The following CTIF variants were observed in gnomAD, a reference collection of about 807,000 sequenced individuals.
The protein encoded by CTIF is CBP80/20-dependent translation initiation factor.
Under a neutral mutation model 66.0 loss-of-function variants are expected in CTIF, and 21 were observed. The ratio of observed to expected loss-of-function variants is 0.32; its 90% CI spans 0.23 to 0.46. The LOEUF is 0.46. CTIF is among the 20% of genes least tolerant of loss of function. The pLI, the probability that CTIF is intolerant of heterozygous loss-of-function variation, is 1.00. For synonymous variants in CTIF, 345 were observed against 326.4 expected, an observed-to-expected ratio of 1.06 and a Z score of -0.62; for missense variants, 739 against 812.7, an observed-to-expected ratio of 0.91 and a Z score of 1.10.
chr18:48,541,427 G>A (rs2088617340), intron 1 of CTIF, among the ~76,000 whole-genome samples: 1 of 152,234 alleles, frequency 6.6e-6, no homozygotes, highest in South Asian at 2.1e-4. Flanking sequence ...GAGCCGCCCA[G>A]AGCGCAGGGA....
intron 7 of CTIF, among the ~76,000 whole-genome samples, chr18:48,752,528 C>T (rs977947188): frequency 2.0e-5 from 3 of 152,178 alleles, no homozygotes; most frequent in Admixed American, 6.5e-5. Context: ...CACTAACTAG[C>T]GGGGCGACCC....
In CTIF at chr18:48,817,255, A is replaced by G. The variant is rs201224364; in HGVS notation, c.1406A>G (p.Gln469Arg). ...ACGGTGCGCGAGGAGCTGCAGCAGC[A>G]GGACGTGGAGCGCTGGCTGGGCTTC... ...DFTVREELQQ[Q>R]DVERWLGFIT... The change falls in exon 10 of 12, where the codon CAG (glutamine) becomes CGG (arginine). Residue 469 changes from glutamine (Q) to arginine (R), a missense_variant. Physicochemically the swap from Gln to Arg is conservative, Grantham distance 43 (BLOSUM62 1). This residue lies in a region of CTIF where 210 missense variants were observed against 292.3 expected (regional missense o/e 0.72). Transcript: ENST00000256413. The G allele has an allele frequency of 2.1e-5, 34 of 1,614,098 alleles. No homozygotes were observed. The Admixed American group carries it at 4.8e-4, about 23-fold the overall frequency.
rs541798504 is a variant in CTIF at position 48,751,129 on chromosome 18, C to T, written c.585-6790C>T. ...ATGCTAGCTATGAACCATTCTTCTG[C>T]ATCCCTGTGATGTGAGTTTGAGTCC... On this transcript the variant is annotated intron_variant, in intron 7 of 11. Coordinates refer to ENST00000256413, the MANE Select transcript of CTIF (RefSeq NM_014772.3). Among the ~76,000 whole-genome samples, 8 of 152,336 alleles carry T rather than the reference C, an allele frequency of 5.3e-5. No homozygotes were observed. In the East Asian group the frequency reaches 1.5e-3, roughly 29 times the overall value.
At chr18:48,677,303 T>C (rs1325098679) in intron 6 of CTIF, among the ~76,000 whole-genome samples, 1 of 152,188 alleles carries the variant, frequency 6.6e-6, no homozygotes, top group Non-Finnish European at 1.5e-5. Context: ...TCTGACCTTA[T>C]TCACCCAGGC....
intron 6 of CTIF, among the ~76,000 whole-genome samples, chr18:48,689,443 G>A (rs993427513): frequency 1.3e-5 from 2 of 152,126 alleles, no homozygotes; most frequent in African/African-American, 4.8e-5. Flanking sequence ...TGAAGGCTTG[G>A]GTCACTAAGT....
rs372186497 is a variant in CTIF at position 48,582,580 on chromosome 18, A to G, written c.-28-36958A>G. On this transcript the variant is annotated intron_variant, in intron 1 of 11. Transcript: ENST00000256413. ...ATTGCACTGCACTGACCTTCCCCCT[A>G]TGTGCTGTGGTGCCTGGGCCCAGAG... Among the ~76,000 whole-genome samples, 135 of 152,008 alleles carry G rather than the reference A, an allele frequency of 8.9e-4. 3 individuals carry two copies. Among genetic ancestry groups the G allele is most frequent in the South Asian group, 5.4e-3 (26 of 4,794 alleles).
chr18:48,697,127 A>C (rs1568145314), intron 6 of CTIF, among the ~76,000 whole-genome samples: 1 of 152,230 alleles, frequency 6.6e-6, no homozygotes, highest in Non-Finnish European at 1.5e-5. Context: ...CTTGGTCCAC[A>C]GTGGATCCAG....
intron 6 of CTIF, among the ~76,000 whole-genome samples, chr18:48,706,393 G>T (rs1384372244): frequency 1.3e-5 from 2 of 152,152 alleles, no homozygotes; most frequent in African/African-American, 4.8e-5. Flanking sequence ...TAGGGGAGGT[G>T]TGTCACTCCT....
chr18:48,847,915 C>G (rs8096454), intron 10 of CTIF, among the ~76,000 whole-genome samples: 55,812 of 152,018 alleles, frequency 0.37, 11,288 homozygotes, highest in African/African-American at 0.54. Flanking sequence ...ACATAATTGG[C>G]CCTTTTCTTG....
At chr18:48,692,705 T>G (rs1287781569) in intron 6 of CTIF, 1 of 152,200 alleles carries the variant, frequency 6.6e-6, no homozygotes, top group Non-Finnish European at 1.5e-5. Flanking sequence ...AGACCACACT[T>G]TGAGTAGCGG....
intron 3 of CTIF, among the ~76,000 whole-genome samples, chr18:48,637,487 C>T (rs1054867012): frequency 6.6e-6 from 1 of 152,208 alleles, no homozygotes; most frequent in African/African-American, 2.4e-5. Context: ...GCGGAGGGAG[C>T]CCCTGCAGGC....
chr18:48,809,398 T>C (rs1451078865), intron 9 of CTIF, among the ~76,000 whole-genome samples: 2 of 152,186 alleles, frequency 1.3e-5, no homozygotes, highest in Non-Finnish European at 2.9e-5. Flanking sequence ...ATTACATTTA[T>C]AGATTTCCTG....
chr18:48,604,619 T>C (rs2090170321), intron 1 of CTIF, among the ~76,000 whole-genome samples: 1 of 152,250 alleles, frequency 6.6e-6, no homozygotes. Context: ...TCCATGTACA[T>C]TACTTTTTTA....
At chr18:48,622,778 C>G (rs2090519904) in intron 2 of CTIF, among the ~76,000 whole-genome samples, 1 of 152,118 alleles carries the variant, frequency 6.6e-6, no homozygotes, top group Non-Finnish European at 1.5e-5. Flanking sequence ...CCCTGGAAGC[C>G]CCTAGAGCTG....
At chr18:48,844,986 T>C (rs1469466016) in intron 10 of CTIF, among the ~76,000 whole-genome samples, 1 of 152,170 alleles carries the variant, frequency 6.6e-6, no homozygotes. Flanking sequence ...CCTCTACCTT[T>C]AAACTGGCTC....
chr18:48,853,958 G>T (rs555788510), intron 10 of CTIF, among the ~76,000 whole-genome samples: 1 of 152,188 alleles, frequency 6.6e-6, no homozygotes, highest in African/African-American at 2.4e-5. Context: ...CCAGCTCTCC[G>T]TGAGTAAATG....
chr18:48,578,012 T>G (rs2143762447), intron 1 of CTIF, among the ~76,000 whole-genome samples: 1 of 152,360 alleles, frequency 6.6e-6, no homozygotes, highest in South Asian at 2.1e-4. Context: ...AGGCAACCAC[T>G]TATGTGCTTT....
At chr18:48,651,783 A>G (rs573552256) in intron 3 of CTIF, among the ~76,000 whole-genome samples, 5 of 152,384 alleles carry the variant, frequency 3.3e-5, no homozygotes, top group African/African-American at 1.2e-4. Context: ...ACCACAGTGC[A>G]ATCAAATTAG....
intron 1 of CTIF, among the ~76,000 whole-genome samples, chr18:48,600,706 A>G (rs1599220385): frequency 6.6e-6 from 1 of 151,718 alleles, no homozygotes; most frequent in South Asian, 2.1e-4. Flanking sequence ...TGTCACTATA[A>G]ATCAGACTGG....
Sources: allele counts gnomAD v4.1 joint callset (sites outside exome capture counted in the v4.1 genomes callset), GRCh38; gene constraint gnomAD v4.1.1; regional missense constraint gnomAD v4.1.1; transcripts MANE v1.5; gene names NCBI Gene and HGNC (gene_info 2026-07-23, HGNC 2026-07-21).